Variants in TPGS2 observed in about 807,000 individuals in gnomAD.
The protein encoded by TPGS2 is tubulin polyglutamylase complex subunit 2.
In TPGS2, 26 loss-of-function variants were observed where a neutral mutation model predicts 31.1. The ratio of observed to expected loss-of-function variants is 0.84; its 90% CI spans 0.61 to 1.16. TPGS2 has a LOEUF of 1.16. TPGS2 is among the 50% of genes most tolerant of loss of function. The probability of loss-of-function intolerance (pLI) is 0.00; values close to 1 mark genes in which losing one functional copy is unlikely to be tolerated. For synonymous variants in TPGS2, 130 were observed against 136.6 expected (o/e 0.95, Z 0.34); for missense variants, 351 against 363.8 (o/e 0.96, Z 0.29).
At chr18:36,798,163 AC>A (rs2044624967) in intron 6 of TPGS2, 1 of 1,223,176 alleles carries the variant, frequency 8.2e-7, no homozygotes, top group African/African-American at 1.5e-5. Flanking sequence ...TGTACTGCCA[AC>A]CCAGAACAAG....
chr18:36,816,877 G>C (rs1246695209), intron 2 of TPGS2, among the ~76,000 whole-genome samples: 1 of 152,210 alleles, frequency 6.6e-6, no homozygotes, highest in Non-Finnish European at 1.5e-5. Context: ...GAAGTGCTGG[G>C]ATTACAGGCA....
At chr18:36,799,536 C>A (rs142666729) in intron 5 of TPGS2, among the ~76,000 whole-genome samples, 4 of 152,178 alleles carry the variant, frequency 2.6e-5, no homozygotes, top group Admixed American at 2.6e-4. Context: ...CCTCCCCACC[C>A]GGTATCTAAT....
chr18:36,819,729 A>T (rs1039240383), intron 1 of TPGS2, among the ~76,000 whole-genome samples: 7 of 152,200 alleles, frequency 4.6e-5, no homozygotes, highest in Admixed American at 4.6e-4. Flanking sequence ...AGCTGTTATG[A>T]CTTGAATTCT....
Position 36,795,487 on chromosome 18 carries a change from G to T in TPGS2, c.*1318C>A. Reference sequence around the variant, plus strand: ...CCACCCAAAGAACTTGGGGCTAGGTGGGTGACTCCCCACTTTCCCTGTTGG... The same window carrying T: ...CCACCCAAAGAACTTGGGGCTAGGTTGGTGACTCCCCACTTTCCCTGTTGG... On this transcript the variant is annotated 3_prime_UTR_variant, in exon 7 of 7. Coordinates refer to ENST00000334295, the MANE Select transcript of TPGS2 (RefSeq NM_015476.4). 1 of 985,420 alleles carries T rather than the reference G, an allele frequency of 1.0e-6. No individual in the cohort carries two copies. The highest frequency in any genetic ancestry group is 1.2e-6 in the Non-Finnish European group (1 of 829,948). 61.0% of individuals were successfully genotyped at this position (985,420 alleles called of 1,614,324 possible). A position where few individuals can be genotyped will look rare whatever the true frequency, so the allele number is the denominator to read the frequency against.
chr18:36,808,967 A>G (rs896982753), intron 2 of TPGS2, among the ~76,000 whole-genome samples: 1 of 152,166 alleles, frequency 6.6e-6, no homozygotes, highest in African/African-American at 2.4e-5. Context: ...ATGTAGTTAC[A>G]GAGGCAAAGA....
rs777386483 is a variant in TPGS2 at position 36,818,937 on chromosome 18, T to C, written c.122A>G (p.Glu41Gly). Residue 41 changes from glutamate to glycine, a missense_variant, in exon 2 of 7, where the codon GAA becomes GGA. Transcript: ENST00000334295. ...CATATGACGTTCAGCAGGAGGCTTT[T>C]CTATGATGGTCACCTCAGTCACACC... is the stretch of plus-strand genomic sequence containing the variant. ...SPGVTEVTII[E>G]KPPAERHMIS... 6 of 1,613,854 alleles carry C rather than the reference T, an allele frequency of 3.7e-6. No individual in the cohort carries two copies. The South Asian group carries it at 5.5e-5, about 15-fold the overall frequency.
chr18:36,826,495 T>C (rs897428463), intron 1 of TPGS2, among the ~76,000 whole-genome samples: 6 of 151,970 alleles, frequency 3.9e-5, no homozygotes, highest in Non-Finnish European at 8.8e-5. Flanking sequence ...AACAGATAGC[T>C]TACCTTCTTC....
rs73947014 is a variant in TPGS2, at chr18:36,788,260, T to A, written c.658-5129A>T. Among the ~76,000 whole-genome samples, 379 of 152,304 alleles carry A rather than the reference T, an allele frequency of 2.5e-3. 3 individuals carry two copies. The highest frequency in any genetic ancestry group is 8.7e-3 in the African/African-American group (362 of 41,564). On this transcript the variant is annotated intron_variant, in intron 6 of 6. Transcript: ENST00000587129. Reference sequence around the variant, plus strand: ...TGAGTTTTTTCTGATGAACACTGAGTTGCTCAATAAACATACATTCTAGAG... The same window carrying A: ...TGAGTTTTTTCTGATGAACACTGAGATGCTCAATAAACATACATTCTAGAG...
At chr18:36,797,308 C>G (rs967530989) in intron 6 of TPGS2, among the ~76,000 whole-genome samples, 1 of 152,048 alleles carries the variant, frequency 6.6e-6, no homozygotes, top group African/African-American at 2.4e-5. Context: ...AGAATCTGAG[C>G]ACACCTCCTT....
chr18:36,813,165 A>C (rs1352611237), intron 2 of TPGS2, among the ~76,000 whole-genome samples: 3 of 152,184 alleles, frequency 2.0e-5, no homozygotes, highest in Non-Finnish European at 2.9e-5. Flanking sequence ...TCCTAATTTA[A>C]ATAGAGATAA....
At chr18:36,822,303 G>C (rs1053073770) in intron 1 of TPGS2, among the ~76,000 whole-genome samples, 1 of 152,212 alleles carries the variant, frequency 6.6e-6, no homozygotes, top group Non-Finnish European at 1.5e-5. Context: ...TGACAAGAGG[G>C]AACACTTCAG....
At position 36,807,617 on chromosome 18, in the gene TPGS2, A is replaced by G. The variant is rs548081062; in HGVS notation, c.253+230T>C. ...TACCCTATTCCTACAGGAATCCTCT[A>G]AATTGAACTTCCAGTTCCATACTGC... On this transcript the variant is annotated intron_variant, in intron 3 of 6. Transcript: ENST00000334295. 1.6e-5 allele frequency: 9 copies of G among 557,718 alleles called. No homozygotes were observed. In the African/African-American group the frequency reaches 1.7e-4, roughly 11 times the overall value. 34.5% of individuals were successfully genotyped at this position (557,718 alleles called of 1,614,324 possible).
chr18:36,802,762 G>A (rs111915234), intron 4 of TPGS2, among the ~76,000 whole-genome samples: 3,085 of 152,054 alleles, frequency 0.02, 55 homozygotes, highest in East Asian at 0.089. Context: ...CGAGTAGCTG[G>A]AATTACAGGT....
chr18:36,809,127 G>A (rs988246352), intron 2 of TPGS2, among the ~76,000 whole-genome samples: 21 of 152,218 alleles, frequency 1.4e-4, no homozygotes, highest in African/African-American at 5.1e-4. Flanking sequence ...GTAGAAGGAC[G>A]ATTTGAGTTC....
At chr18:36,825,848 A>G (rs1371451456) in intron 1 of TPGS2, among the ~76,000 whole-genome samples, 2 of 152,162 alleles carry the variant, frequency 1.3e-5, no homozygotes, top group Non-Finnish European at 2.9e-5. Flanking sequence ...TGAGATTTTG[A>G]TGGGAACTGG....
At chr18:36,793,760 CAG>C (rs1428919368), downstream of TPGS2, among the ~76,000 whole-genome samples, 3 of 150,076 alleles carry the variant, frequency 2.0e-5, no homozygotes, top group Non-Finnish European at 3.0e-5. Context: ...TTCTTTGAGA[CAG>C]AGTCTTGCTC....
chr18:36,802,412 C>T (rs896774282), intron 4 of TPGS2, among the ~76,000 whole-genome samples: 1 of 152,174 alleles, frequency 6.6e-6, no homozygotes, highest in African/African-American at 2.4e-5. Context: ...TTCCAGAGTA[C>T]AGAGTATTAC....
chr18:36,805,918 C>G (rs1372972892), intron 3 of TPGS2: 3 of 151,560 alleles, frequency 2.0e-5, no homozygotes, highest in Non-Finnish European at 4.4e-5. Flanking sequence ...TAATGGACCC[C>G]TTCTATTCTT....
intron 2 of TPGS2, chr18:36,818,543 A>G: frequency 5.7e-6 from 1 of 175,438 alleles, no homozygotes; most frequent in Admixed American, 6.1e-5. Flanking sequence ...TTAGCTTTTA[A>G]TCTGCTTAGT....
Sources: gnomAD v4.1 joint callset for allele counts (sites outside exome capture counted in the v4.1 genomes callset) on GRCh38, gnomAD v4.1.1 for gene constraint, MANE v1.5 for transcripts, NCBI Gene and HGNC (gene_info 2026-07-23, HGNC 2026-07-21) for gene names.